Variants in PTPRD observed in about 807,000 individuals in gnomAD.
The protein encoded by PTPRD is receptor-type tyrosine-protein phosphatase delta.
In PTPRD, 34 loss-of-function variants were observed where a neutral mutation model predicts 214.5. The observed-to-expected ratio is 0.16, with a 90% CI of 0.12 to 0.21. The LOEUF (loss-of-function observed/expected upper bound fraction) is 0.21. Among genes scored for constraint, PTPRD ranks in the 10% least tolerant of loss-of-function variants. The pLI, the probability that PTPRD is intolerant of heterozygous loss-of-function variation, is 1.00. For missense variants in PTPRD, 2,545 were observed against 2,398.7 expected, an observed-to-expected ratio of 1.06 and a Z score of -1.27; for synonymous variants, 1,128 against 845.7, an observed-to-expected ratio of 1.33 and a Z score of -5.79.
intron 11 of PTPRD, among the ~76,000 whole-genome samples, chr9:8,924,213 T>C (rs1382209783): frequency 1.4e-5 from 2 of 147,340 alleles, no homozygotes; most frequent in Non-Finnish European, 3.0e-5. Context: ...TGAAAAAGGA[T>C]CAACATTGGC....
At chr9:8,577,800 C>G (rs138591408) in intron 14 of PTPRD, among the ~76,000 whole-genome samples, 155 of 152,224 alleles carry the variant, frequency 1.0e-3, no homozygotes, top group African/African-American at 3.6e-3. Context: ...TGCAAAATCT[C>G]GGGCCCTACT....
At chr9:10,220,523 T>C (rs551007016) in intron 3 of PTPRD, among the ~76,000 whole-genome samples, 1 of 151,938 alleles carries the variant, frequency 6.6e-6, no homozygotes, top group Non-Finnish European at 1.5e-5. Context: ...ACATTTTGCA[T>C]CAAATGATTA....
intron 8 of PTPRD, among the ~76,000 whole-genome samples, chr9:9,566,350 G>A (rs551962634): frequency 9.2e-5 from 14 of 152,046 alleles, no homozygotes; most frequent in African/African-American, 3.4e-4. Flanking sequence ...TTTGTTTAAT[G>A]TACAATGAGC....
At chr9:9,563,838 C>G (rs1367664907) in intron 8 of PTPRD, among the ~76,000 whole-genome samples, 1 of 152,094 alleles carries the variant, frequency 6.6e-6, no homozygotes, top group Non-Finnish European at 1.5e-5. Flanking sequence ...TATTGACAAC[C>G]AACATGCTTT....
rs143258330 is a variant in PTPRD, at chr9:8,392,677, G to A, written c.4211-3270C>T. On this transcript the variant is annotated intron_variant, in intron 36 of 45. Coordinates refer to ENST00000381196, the MANE Select transcript of PTPRD (RefSeq NM_002839.4). ...TTTGATACCTATTTGTAAGAAGGTA[G>A]TACATGGAATGAAAGCCTCCTTCTG... Among the ~76,000 whole-genome samples, 379 of 152,302 alleles carry A rather than the reference G, an allele frequency of 2.5e-3. 1 individual carries two copies. Among genetic ancestry groups the A allele is most frequent in the Middle Eastern group, 3.4e-3 (1 of 294 alleles).
At chr9:10,131,263 A>C (rs1336023084) in intron 3 of PTPRD, among the ~76,000 whole-genome samples, 1 of 152,118 alleles carries the variant, frequency 6.6e-6, no homozygotes, top group African/African-American at 2.4e-5. Context: ...TACTGCGTGC[A>C]TCTCTAAGTT....
chr9:9,910,368 T>C (rs1232533487), intron 5 of PTPRD, among the ~76,000 whole-genome samples: 1 of 152,004 alleles, frequency 6.6e-6, no homozygotes, highest in African/African-American at 2.4e-5. Flanking sequence ...AATATCTGTA[T>C]AGCAATTTTC....
intron 9 of PTPRD, among the ~76,000 whole-genome samples, chr9:9,292,255 A>G (rs573073041): frequency 6.6e-6 from 1 of 151,406 alleles, no homozygotes; most frequent in African/African-American, 2.4e-5. Flanking sequence ...TAACTGAAGC[A>G]TAACTGGTTC....
chr9:9,773,932 C>A (rs2098774906), intron 5 of PTPRD, among the ~76,000 whole-genome samples: 1 of 152,022 alleles, frequency 6.6e-6, no homozygotes, highest in African/African-American at 2.4e-5. Context: ...ATTTTTCCAC[C>A]ATAATATTAT....
intron 2 of PTPRD, among the ~76,000 whole-genome samples, chr9:10,422,709 C>A (rs188468154): frequency 6.6e-6 from 1 of 152,052 alleles, no homozygotes; most frequent in Non-Finnish European, 1.5e-5. Flanking sequence ...AAAAAGTGCT[C>A]GTCATCACTG....
At chr9:10,528,638 T>A (rs1241467196) in intron 2 of PTPRD, among the ~76,000 whole-genome samples, 1 of 152,208 alleles carries the variant, frequency 6.6e-6, no homozygotes, top group Non-Finnish European at 1.5e-5. Context: ...TTTGATCACC[T>A]AAATGGCATG....
intron 18 of PTPRD, 34 bp downstream of exon 18, chr9:8,524,891 T>A (rs1291333600): frequency 6.3e-7 from 1 of 1,577,436 alleles, no homozygotes; most frequent in Admixed American, 1.7e-5. Context: ...TGAGCCTGAA[T>A]GAAGAAGCGA....
intron 3 of PTPRD, among the ~76,000 whole-genome samples, chr9:10,133,112 A>G (rs775806480): frequency 7.2e-5 from 11 of 152,166 alleles, no homozygotes; most frequent in Non-Finnish European, 1.3e-4. Flanking sequence ...GCCAACGAGG[A>G]CATTCACTGA....
intron 2 of PTPRD, among the ~76,000 whole-genome samples, chr9:10,431,835 G>C (rs1008635307): frequency 2.6e-5 from 4 of 152,046 alleles, no homozygotes; most frequent in African/African-American, 9.7e-5. Flanking sequence ...TACACTGTTG[G>C]TGGGACTGTA....
intron 7 of PTPRD, among the ~76,000 whole-genome samples, chr9:9,729,099 G>A (rs910418445): frequency 6.6e-6 from 1 of 152,066 alleles, no homozygotes; most frequent in African/African-American, 2.4e-5. Flanking sequence ...AAACATAATA[G>A]CTCCCATTTC....
intron 30 of PTPRD, among the ~76,000 whole-genome samples, chr9:8,479,046 G>C (rs1383868447): frequency 6.6e-6 from 1 of 152,120 alleles, no homozygotes; most frequent in Non-Finnish European, 1.5e-5. Flanking sequence ...AATGAGTTCT[G>C]TTTCTTCCTC....
chr9:9,500,232 C>T (rs982987619), intron 8 of PTPRD, among the ~76,000 whole-genome samples: 1 of 152,052 alleles, frequency 6.6e-6, no homozygotes, highest in Non-Finnish European at 1.5e-5. Flanking sequence ...CTCCTCCCAG[C>T]CATGATAGAG....
chr9:9,306,343 C>A (rs1486221069), intron 9 of PTPRD, among the ~76,000 whole-genome samples: 1 of 151,628 alleles, frequency 6.6e-6, no homozygotes, highest in Admixed American at 6.6e-5. Flanking sequence ...GTGGGTGGAT[C>A]ACCTGAGGTC....
At chr9:8,994,400 T>C (rs749926703) in intron 11 of PTPRD, among the ~76,000 whole-genome samples, 7 of 152,160 alleles carry the variant, frequency 4.6e-5, no homozygotes, top group Non-Finnish European at 1.0e-4. Context: ...AAGCAGTACA[T>C]GTCAATGAAA....
Sources: gnomAD v4.1 joint callset for allele counts (sites outside exome capture counted in the v4.1 genomes callset) on GRCh38, gnomAD v4.1.1 for gene constraint, MANE v1.5 for transcripts, NCBI Gene and HGNC (gene_info 2026-07-23, HGNC 2026-07-21) for gene names.